PRDM9: variants seen among roughly 807,000 people sequenced by gnomAD.
The protein encoded by PRDM9 is PR/SET domain 9.
A neutral mutation model predicts 55.6 loss-of-function variants in PRDM9; 47 were observed. That is an observed-to-expected ratio of 0.85 (90% CI 0.67 to 1.08). The LOEUF is 1.08. Ranked by LOEUF, PRDM9 falls within the 50% of genes least tolerant of loss-of-function variation. PRDM9 has a pLI of 0.00. For missense variants in PRDM9, 867 were observed against 1,040.3 expected, an observed-to-expected ratio of 0.83 and a Z score of 2.29; for synonymous variants, 312 against 375.7, an observed-to-expected ratio of 0.83 and a Z score of 1.96.
At chr5:23,522,216 A>G (rs575379740) in intron 6 of PRDM9, 88 bp from the exon 7 acceptor site, 13 of 1,178,864 alleles carry the variant, frequency 1.1e-5, no homozygotes, top group Middle Eastern at 2.0e-4. Flanking sequence ...GTAGATGCCA[A>G]TTTGATGGTA....
chr5:23,522,504 TAGAGTAC>T, intron 7 of PRDM9, 99 bp downstream of exon 7: 1 of 1,585,000 alleles, frequency 6.3e-7, no homozygotes, highest in South Asian at 1.1e-5. Context: ...TCTAATGAAT[TAGAGTAC>T]AGGATTAGGG....
chr5:23,526,933 G>T lies in PRDM9; in HGVS notation c.1845G>T (p.Arg615=). 6.3e-7 allele frequency: 1 copy of T among 1,595,636 alleles called. No individual in the cohort carries two copies. Among genetic ancestry groups the T allele is most frequent in the Admixed American group, 1.7e-5 (1 of 58,270 alleles). The change falls in exon 11 of 11, where the codon CGG becomes CGT. Residue 615 remains arginine (R), a synonymous_variant. Coordinates refer to ENST00000296682, the MANE Select transcript of PRDM9 (RefSeq NM_020227.4). ...EKPYVCRECG[R]GFSRQSVLLT... ...CCTATGTCTGCAGGGAGTGTGGGCG[G>T]GGCTTTAGCCGGCAGTCAGTCCTCC...
In PRDM9 at chr5:23,509,538, G is replaced by C; in HGVS notation, c.138G>C (p.Trp46Cys). Reference sequence around the variant, plus strand: ...AAGAATGGGCAGAGATGGGAGACTGGGAGAAAACTCGCTATAGGAATGTGA... The same window carrying C: ...AAGAATGGGCAGAGATGGGAGACTGCGAGAAAACTCGCTATAGGAATGTGA... ...TKEEWAEMGD[W>C]EKTRYRNVKR... Residue 46 changes from tryptophan (W) to cysteine (C), a missense_variant, in exon 3 of 11, where the codon TGG becomes TGC. By Grantham distance (215) the Trp-to-Cys change is radical. Transcript: ENST00000296682. 1 of 1,614,124 alleles carries C rather than the reference G, an allele frequency of 6.2e-7. No individual in the cohort carries two copies. The highest frequency in any genetic ancestry group is 8.5e-7 in the Non-Finnish European group (1 of 1,180,022).
At chr5:23,509,742 T>A in intron 3 of PRDM9, 149 bp downstream of exon 3, 1 of 1,492,550 alleles carries the variant, frequency 6.7e-7, no homozygotes. Flanking sequence ...TTCTTTTGCG[T>A]CAGTGCAGGG....
At chr5:23,518,621 G>A (rs1202807684) in intron 5 of PRDM9, among the ~76,000 whole-genome samples, 2 of 152,180 alleles carry the variant, frequency 1.3e-5, no homozygotes, top group Non-Finnish European at 2.9e-5. Flanking sequence ...AGGAGTTTCA[G>A]CTTTGAAGAC....
intron 9 of PRDM9, among the ~76,000 whole-genome samples, chr5:23,524,037 A>G (rs1739384261): frequency 6.6e-6 from 1 of 152,210 alleles, no homozygotes; most frequent in South Asian, 2.1e-4. Context: ...GCTAGAAGTC[A>G]ATGTGTTTTA....
chr5:23,509,383 A>G (rs2126405498), intron 2 of PRDM9, 87 bp from the exon 3 acceptor site: 2 of 1,604,054 alleles, frequency 1.2e-6, no homozygotes, highest in Admixed American at 1.7e-5. Flanking sequence ...CAGAGGCCCC[A>G]GGCTATGTCC....
intron 4 of PRDM9, among the ~76,000 whole-genome samples, chr5:23,516,603 A>G (rs980666760): frequency 1.3e-5 from 2 of 151,388 alleles, no homozygotes; most frequent in Admixed American, 6.6e-5. Context: ...CGATCTCCTG[A>G]CCTCGTGATC....
At chr5:23,517,982 C>T (rs1306873809) in intron 5 of PRDM9, 52 bp downstream of exon 5, 8 of 1,484,610 alleles carry the variant, frequency 5.4e-6, no homozygotes, top group South Asian at 1.1e-5. Context: ...TGGATCCAAA[C>T]ACAGGTAAGA....
intron 7 of PRDM9, 50 bp downstream of exon 7, chr5:23,522,455 C>A: frequency 6.3e-7 from 1 of 1,585,492 alleles, no homozygotes; most frequent in Non-Finnish European, 8.7e-7. Context: ...TGTCCTGGTG[C>A]AATAATTTCA....
At chr5:23,515,198 CA>C (rs1193932714) in intron 4 of PRDM9, among the ~76,000 whole-genome samples, 1 of 151,694 alleles carries the variant, frequency 6.6e-6, no homozygotes, top group Non-Finnish European at 1.5e-5. Flanking sequence ...CTCCTGACCT[CA>C]AGTGATCCAT....
At chr5:23,507,955 C>A (rs565398111) in intron 1 of PRDM9, among the ~76,000 whole-genome samples, 2 of 151,998 alleles carry the variant, frequency 1.3e-5, no homozygotes, top group Non-Finnish European at 2.9e-5. Flanking sequence ...CCTGAGAAGC[C>A]GCAATTCCCC....
Position 23,527,194 on chromosome 5 carries a change from C to T in PRDM9, c.2106C>T (p.Ser702=). 1.5e-6 allele frequency: 1 copy of T among 648,438 alleles called. No individual in the cohort carries two copies. Among genetic ancestry groups the T allele is most frequent in the South Asian group, 1.8e-5 (1 of 55,730 alleles). 40.2% of individuals were successfully genotyped at this position (648,438 alleles called of 1,614,324 possible). ...YVCRECGRGF[S]WQSVLLTHQR... is the part of the protein sequence containing the mutation. Reference sequence around the variant, plus strand: ...GCAGGGAGTGTGGGCGGGGCTTTAGCTGGCAGTCAGTCCTCCTCACTCACC... The same window carrying T: ...GCAGGGAGTGTGGGCGGGGCTTTAGTTGGCAGTCAGTCCTCCTCACTCACC... Residue 702 remains serine, a synonymous_variant, in exon 11 of 11, where the codon AGC becomes AGT. Transcript: ENST00000296682.
chr5:23,518,251 A>G (rs1271150404), intron 5 of PRDM9, among the ~76,000 whole-genome samples: 1 of 152,204 alleles, frequency 6.6e-6, no homozygotes, highest in South Asian at 2.1e-4. Flanking sequence ...ACAGATGAGA[A>G]AACTGAGGTA....
intron 4 of PRDM9, among the ~76,000 whole-genome samples, chr5:23,513,701 G>A (rs1402104124): frequency 6.6e-6 from 1 of 152,034 alleles, no homozygotes; most frequent in Non-Finnish European, 1.5e-5. Context: ...CCAGCTTGGT[G>A]AAACCCCATC....
Position 23,518,813 on chromosome 5 carries a change from C to G in PRDM9, c.351+883C>G, listed in dbSNP as rs575051357. On this transcript the variant is annotated intron_variant, in intron 5 of 10. Transcript: ENST00000296682. ...GTTTGGAATTATTTGTTTAGCCTGCCTGCTGCCTCTTCATTGTGAGCTCTT... is the reference window on the plus strand; with the variant it reads ...GTTTGGAATTATTTGTTTAGCCTGCGTGCTGCCTCTTCATTGTGAGCTCTT... Among the ~76,000 whole-genome samples, 33 of 152,294 alleles carry G rather than the reference C, an allele frequency of 2.2e-4. No homozygotes were observed. In the East Asian group the frequency reaches 2.3e-3, roughly 11 times the overall value.
At chr5:23,521,741 T>G (rs1477530304) in intron 6 of PRDM9, among the ~76,000 whole-genome samples, 1 of 152,228 alleles carries the variant, frequency 6.6e-6, no homozygotes, top group Non-Finnish European at 1.5e-5. Context: ...ATCTTATAAA[T>G]TCTCTGAGCT....
chr5:23,517,821 G>A lies in PRDM9; in HGVS notation c.302-60G>A, dbSNP rs1247694524. On this transcript the variant is annotated intron_variant, in intron 4 of 10. Transcript: ENST00000296682. ...AAATAAAAATAAAAAATAGAAGAGAGAATCTCTAGTGTTTGGAAACATTTA... is the reference window on the plus strand; with the variant it reads ...AAATAAAAATAAAAAATAGAAGAGAAAATCTCTAGTGTTTGGAAACATTTA... The A allele has an allele frequency of 4.3e-6, 6 of 1,405,370 alleles. No individual in the cohort carries two copies. The East Asian group carries it at 1.1e-4, about 27-fold the overall frequency. The allele number at this position is 1,405,370 out of a possible 1,614,324, so 87.1% of individuals were successfully genotyped here. A position where few individuals can be genotyped will look rare whatever the true frequency, so the allele number is the denominator to read the frequency against.
intron 5 of PRDM9, among the ~76,000 whole-genome samples, chr5:23,520,059 A>T (rs2126423081): frequency 6.8e-6 from 1 of 147,842 alleles, no homozygotes; most frequent in African/African-American, 2.5e-5. Flanking sequence ...AATAAAAAAA[A>T]AAAAGAATTA....
Sources: gnomAD v4.1 joint callset for allele counts (sites outside exome capture counted in the v4.1 genomes callset) on GRCh38, gnomAD v4.1.1 for gene constraint, MANE v1.5 for transcripts, NCBI Gene and HGNC (gene_info 2026-07-23, HGNC 2026-07-21) for gene names.